Variants in DENND4C observed in about 807,000 individuals in gnomAD.
DENND4C encodes the protein DENN domain-containing protein 4C.
DENND4C carries 108 observed loss-of-function variants against 203.0 expected under a neutral mutation model. That is an observed-to-expected ratio of 0.53 (90% CI 0.46 to 0.62). The LOEUF (loss-of-function observed/expected upper bound fraction) is 0.62, where lower values mean the gene tolerates loss of function less well. Among genes scored for constraint, DENND4C ranks in the 20% least tolerant of loss-of-function variants. The pLI, the probability that DENND4C is intolerant of heterozygous loss-of-function variation, is 0.00. For synonymous variants in DENND4C, 871 were observed against 792.4 expected (o/e 1.10, Z -1.67); for missense variants, 2,481 against 2,301.2 (o/e 1.08, Z -1.60).
intron 1 of DENND4C, among the ~76,000 whole-genome samples, chr9:19,273,500 G>A (rs534253534): frequency 2.0e-5 from 3 of 151,972 alleles, no homozygotes; most frequent in Non-Finnish European, 4.4e-5. Flanking sequence ...AAAAACACAA[G>A]CCGCAGACTG....
chr9:19,247,773 A>T (rs1825642380), intron 1 of DENND4C, among the ~76,000 whole-genome samples: 1 of 152,164 alleles, frequency 6.6e-6, no homozygotes, highest in South Asian at 2.1e-4. Context: ...TTATTGGTTT[A>T]TTTCCTCAAA....
chr9:19,294,363 C>A (rs1416949143), intron 5 of DENND4C, among the ~76,000 whole-genome samples: 3 of 151,926 alleles, frequency 2.0e-5, no homozygotes, highest in African/African-American at 7.3e-5. Flanking sequence ...AGTTTGAAGA[C>A]AGAGGAGTGT....
At chr9:19,297,251 A>G (rs536802035) in intron 6 of DENND4C, among the ~76,000 whole-genome samples, 1 of 152,184 alleles carries the variant, frequency 6.6e-6, no homozygotes, top group East Asian at 1.9e-4. Context: ...AGTTTAGTGG[A>G]TAAGGTAGGG....
intron 1 of DENND4C, among the ~76,000 whole-genome samples, chr9:19,269,925 AATTG>A (rs1306837135): frequency 1.3e-5 from 2 of 152,120 alleles, no homozygotes; most frequent in Non-Finnish European, 2.9e-5. Context: ...ATTCAAAGGT[AATTG>A]ATTGTTTTGA....
At chr9:19,355,976 C>T (rs988576255) in intron 26 of DENND4C, among the ~76,000 whole-genome samples, 1 of 151,796 alleles carries the variant, frequency 6.6e-6, no homozygotes, top group Non-Finnish European at 1.5e-5. Context: ...TTTAAGCTAT[C>T]GTGACAAGCA....
chr9:19,295,559 C>T (rs1837270191), intron 5 of DENND4C, among the ~76,000 whole-genome samples: 2 of 150,948 alleles, frequency 1.3e-5, no homozygotes, highest in South Asian at 4.2e-4. Flanking sequence ...CCTGTAATGC[C>T]AGCTACTCGG....
chr9:19,336,781 T>G lies in DENND4C; in HGVS notation c.2830T>G (p.Phe944Val), dbSNP rs1361069971. 1 of 1,550,888 alleles carries G rather than the reference T, an allele frequency of 6.4e-7. No individual in the cohort carries two copies. Among genetic ancestry groups the G allele is most frequent in the Non-Finnish European group, 8.7e-7 (1 of 1,147,038 alleles). ...TGCTAACAATGGGGAGCACACAGTC[T>G]TCGTCAGAGATTTAATCAGGCTTGA... ...NDANNGEHTV[F>V]VRDLIRLESI... Residue 944 changes from phenylalanine (F) to valine (V), a missense_variant, in exon 20 of 33, where the codon TTC becomes GTC. Phe to Val is a conservative substitution (Grantham distance 50). Around this residue, in one of 3 missense-constraint regions of DENND4C, gnomAD observed 2,289 missense variants for 2,113.3 expected, o/e 1.08. Coordinates refer to ENST00000434457, the MANE Select transcript of DENND4C (RefSeq NM_001330640.2).
In DENND4C at chr9:19,324,495, C is replaced by T. The variant is rs145319775; in HGVS notation, c.1941C>T (p.Asp647=). 25 of 1,604,888 alleles carry T rather than the reference C, an allele frequency of 1.6e-5. No individual in the cohort carries two copies. In the African/African-American group the frequency reaches 3.1e-4, roughly 20 times the overall value. ...DKDTGLAFFD[D]CIEKLFPDKG... ...ATACTGGATTAGCATTTTTTGATGA[C>T]TGCATAGAAAAGGTAAAAGTTTGTA... The change falls in exon 13 of 33, where the codon GAC becomes GAT. Residue 647 remains aspartate, a synonymous_variant. Coordinates refer to ENST00000434457, the MANE Select transcript of DENND4C (RefSeq NM_001330640.2).
At position 19,349,268 on chromosome 9, in the gene DENND4C, C is replaced by T. The variant is rs768631838; in HGVS notation, c.4318-1434C>T. ...CAAAAAAATACAAAAATTAGCTGGG[C>T]GTGATGTCATGTACCTGTAGTCTCA... On this transcript the variant is annotated intron_variant, in intron 23 of 32. Coordinates refer to ENST00000434457, the MANE Select transcript of DENND4C (RefSeq NM_001330640.2). Among the ~76,000 whole-genome samples, 6 of 151,936 alleles carry T rather than the reference C, an allele frequency of 3.9e-5. No homozygotes were observed. The East Asian group carries it at 5.8e-4, about 15-fold the overall frequency.
At chr9:19,244,262 C>G (rs1824547374) in intron 1 of DENND4C, among the ~76,000 whole-genome samples, 1 of 152,118 alleles carries the variant, frequency 6.6e-6, no homozygotes, top group South Asian at 2.1e-4. Context: ...AACTACTGAC[C>G]TCAGGTCATC....
At chr9:19,274,804 T>A (rs1353405904) in intron 1 of DENND4C, among the ~76,000 whole-genome samples, 1 of 152,224 alleles carries the variant, frequency 6.6e-6, no homozygotes, top group Non-Finnish European at 1.5e-5. Context: ...TACTGTTACC[T>A]TAATTTTTCT....
rs1825829840 is a variant in DENND4C, at chr9:19,358,428, A to G, written c.5160+268A>G. Among the ~76,000 whole-genome samples the G allele has an allele frequency of 6.6e-6, 1 of 151,900 alleles. No homozygotes were observed. The highest frequency in any genetic ancestry group is 1.5e-5 in the Non-Finnish European group (1 of 67,948). ...TCTCATTCAGTTCTCTCTTTTTTTG[A>G]GATTATTTTGAAGCAAATTTCAAAC... On this transcript the variant is annotated intron_variant, in intron 28 of 32. Coordinates refer to ENST00000434457, the MANE Select transcript of DENND4C (RefSeq NM_001330640.2). This position sits in a 1 kb window ranked among gnomAD's most constrained non-coding sequence, Gnocchi z 4.8.
chr9:19,313,811 T>C (rs928359149), intron 10 of DENND4C, among the ~76,000 whole-genome samples: 1 of 152,180 alleles, frequency 6.6e-6, no homozygotes, highest in Admixed American at 6.5e-5. Flanking sequence ...GCTGTCAAAC[T>C]CATAACCCAT....
intron 20 of DENND4C, among the ~76,000 whole-genome samples, chr9:19,337,212 A>G (rs1309761549): frequency 2.0e-5 from 3 of 152,226 alleles, no homozygotes; most frequent in African/African-American, 7.2e-5. Context: ...TTAAAGAGGG[A>G]AGGAAGGAAG....
Position 19,358,537 on chromosome 9 carries a change from C to G in DENND4C, c.5160+377C>G, listed in dbSNP as rs1390843611. 1.3e-5 allele frequency among the ~76,000 whole-genome samples: 2 copies of G among 148,958 alleles called. No individual in the cohort carries two copies. The highest frequency in any genetic ancestry group is 2.9e-5 in the Non-Finnish European group (2 of 67,970). On this transcript the variant is annotated intron_variant, in intron 28 of 32. Transcript: ENST00000434457. The surrounding 1 kb of genome is among the most constrained non-coding windows in gnomAD (Gnocchi z 4.8). ...AAAAATATAATCACACTGCTTTTAT[C>G]ATACAAAAAAAACCCCAAATAATAG...
At chr9:19,354,526 T>C (rs1047548860) in intron 26 of DENND4C, among the ~76,000 whole-genome samples, 1 of 151,144 alleles carries the variant, frequency 6.6e-6, no homozygotes, top group Non-Finnish European at 1.5e-5. Flanking sequence ...TTTGAGTGTC[T>C]CTTCATTACT....
intron 30 of DENND4C, 127 bp downstream of exon 30, chr9:19,362,090 A>G (rs1826618094): frequency 1.8e-6 from 1 of 553,884 alleles, no homozygotes. Context: ...GCTGGCCAAC[A>G]TGGTGAAATC....
intron 18 of DENND4C, 66 bp downstream of exon 18, chr9:19,335,171 G>T: frequency 3.3e-6 from 4 of 1,204,860 alleles, no homozygotes; most frequent in Non-Finnish European, 4.3e-6. Context: ...TATACCTTTA[G>T]TTATTCATGA....
chr9:19,311,077 A>T (rs900928540), intron 10 of DENND4C, among the ~76,000 whole-genome samples: 1 of 152,078 alleles, frequency 6.6e-6, no homozygotes, highest in Non-Finnish European at 1.5e-5. Context: ...AAAAAAATTT[A>T]TTTGACTTAT....
Sources: allele counts gnomAD v4.1 joint callset (sites outside exome capture counted in the v4.1 genomes callset), GRCh38; gene constraint gnomAD v4.1.1; regional missense constraint gnomAD v4.1.1; non-coding constraint Gnocchi (gnomAD v3.1); transcripts MANE v1.5; gene names NCBI Gene and HGNC (gene_info 2026-07-23, HGNC 2026-07-21).